The following MCTP1 variants were observed in gnomAD, a reference collection of about 807,000 sequenced individuals.
MCTP1 encodes the protein multiple C2 and transmembrane domain containing 1.
Under a neutral mutation model 120.6 loss-of-function variants are expected in MCTP1, and 69 were observed. The observed-to-expected ratio is 0.57, with a 90% CI of 0.47 to 0.70. The LOEUF (loss-of-function observed/expected upper bound fraction) is 0.70, where lower values mean the gene tolerates loss of function less well. Among genes scored for constraint, MCTP1 ranks in the 30% least tolerant of loss-of-function variants. The pLI is 0.00. For synonymous variants in MCTP1, 529 were observed against 493.1 expected (o/e 1.07, Z -0.96); for missense variants, 1,203 against 1,248.8 (o/e 0.96, Z 0.55).
chr5:95,112,223 C>G (rs181150517), intron 1 of MCTP1, among the ~76,000 whole-genome samples: 10 of 152,228 alleles, frequency 6.6e-5, no homozygotes, highest in African/African-American at 2.2e-4. Context: ...ATAACTAAAT[C>G]CTTTTGAGTG....
intron 6 of MCTP1, chr5:94,929,677 G>A: frequency 1.0e-6 from 1 of 985,176 alleles, no homozygotes; most frequent in Non-Finnish European, 1.2e-6. Context: ...GATTCAGGGA[G>A]CAGTTTCAAT....
intron 17 of MCTP1, among the ~76,000 whole-genome samples, chr5:94,856,797 G>C (rs190846870): frequency 6.6e-6 from 1 of 151,852 alleles, no homozygotes; most frequent in East Asian, 1.9e-4. Context: ...GTAAGAGCAA[G>C]AGAGAGACTA....
intron 18 of MCTP1, among the ~76,000 whole-genome samples, chr5:94,795,325 C>T (rs116562719): frequency 0.028 from 4,192 of 152,228 alleles, 65 homozygotes; most frequent in Non-Finnish European, 0.031. Flanking sequence ...CTAACACAAT[C>T]AGTTTCTCTC....
intron 17 of MCTP1, among the ~76,000 whole-genome samples, chr5:94,815,615 T>G (rs1159575237): frequency 6.6e-6 from 1 of 152,218 alleles, no homozygotes; most frequent in Non-Finnish European, 1.5e-5. Flanking sequence ...TGTCCAGAAG[T>G]GTTCACCACA....
At chr5:94,927,290 A>G (rs777612638) in intron 6 of MCTP1, among the ~76,000 whole-genome samples, 2 of 152,146 alleles carry the variant, frequency 1.3e-5, no homozygotes, top group Non-Finnish European at 2.9e-5. Flanking sequence ...GCTATTTACC[A>G]TTTGTTCATT....
intron 3 of MCTP1, among the ~76,000 whole-genome samples, chr5:94,951,229 T>C (rs1820484120): frequency 6.6e-6 from 1 of 152,228 alleles, no homozygotes; most frequent in Admixed American, 6.5e-5. Flanking sequence ...TTTTGTGTAC[T>C]TCAGTTTTTT....
At chr5:95,110,780 G>T (rs758106562) in intron 1 of MCTP1, among the ~76,000 whole-genome samples, 1 of 152,210 alleles carries the variant, frequency 6.6e-6, no homozygotes, top group Non-Finnish European at 1.5e-5. Context: ...AAATTCAGAA[G>T]TTCTTACGGC....
intron 17 of MCTP1, among the ~76,000 whole-genome samples, chr5:94,815,129 A>G (rs1291196936): frequency 1.3e-5 from 2 of 152,200 alleles, no homozygotes; most frequent in Non-Finnish European, 2.9e-5. Context: ...TTCTCAATAT[A>G]TTACATCAAG....
chr5:95,049,640 C>T (rs1745398386), intron 1 of MCTP1, among the ~76,000 whole-genome samples: 1 of 152,190 alleles, frequency 6.6e-6, no homozygotes, highest in Non-Finnish European at 1.5e-5. Context: ...AGAAATTATT[C>T]TCTCACTTAG....
intron 1 of MCTP1, among the ~76,000 whole-genome samples, chr5:95,175,836 C>T (rs1051518207): frequency 1.1e-4 from 17 of 152,184 alleles, no homozygotes; most frequent in Non-Finnish European, 2.9e-5. Context: ...CCAGTGAATT[C>T]AGTTCACTCC....
intron 1 of MCTP1, among the ~76,000 whole-genome samples, chr5:95,207,339 T>C (rs77929202): frequency 0.012 from 1,825 of 152,230 alleles, 39 homozygotes; most frequent in African/African-American, 0.04. Context: ...AACCTGCAAG[T>C]TGAAATATAT....
chr5:95,142,850 G>C (rs900641934), intron 1 of MCTP1, among the ~76,000 whole-genome samples: 1 of 152,100 alleles, frequency 6.6e-6, no homozygotes, highest in Non-Finnish European at 1.5e-5. Context: ...AAGAGTAAGG[G>C]TATGGGAGGA....
chr5:95,170,333 A>G (rs1225950032), intron 1 of MCTP1, among the ~76,000 whole-genome samples: 1 of 152,232 alleles, frequency 6.6e-6, no homozygotes, highest in Non-Finnish European at 1.5e-5. Context: ...ACTTCCAACT[A>G]TGTGGTCAAT....
intron 13 of MCTP1, among the ~76,000 whole-genome samples, chr5:94,872,493 T>G (rs1237941023): frequency 6.6e-6 from 1 of 152,048 alleles, no homozygotes; most frequent in Non-Finnish European, 1.5e-5. Context: ...TTAGAAAACT[T>G]TAAAGAAGTA....
chr5:95,273,086 C>T lies in MCTP1; in HGVS notation c.720+10770G>A, dbSNP rs569012534. Among the ~76,000 whole-genome samples the T allele has an allele frequency of 2.4e-4, 36 of 152,314 alleles. No individual in the cohort carries two copies. In the South Asian group the frequency reaches 7.1e-3, roughly 30 times the overall value. ...GATTTGGGGGTTTGGCCCCACAGGG[C>T]GCAGGAGGCAACTGTTCTGTGGTGA... is the stretch of plus-strand genomic sequence containing the variant. On this transcript the variant is annotated intron_variant, in intron 1 of 22. Transcript: ENST00000515393.
intron 1 of MCTP1, among the ~76,000 whole-genome samples, chr5:95,213,833 C>T (rs1164030747): frequency 6.6e-6 from 1 of 152,242 alleles, no homozygotes; most frequent in Non-Finnish European, 1.5e-5. Context: ...GAAACTGGAT[C>T]CCTTCCTTAC....
intron 1 of MCTP1, among the ~76,000 whole-genome samples, chr5:95,207,528 T>C (rs192192461): frequency 7.2e-4 from 110 of 152,230 alleles, no homozygotes; most frequent in African/African-American, 2.6e-3. Context: ...TTGGACAAAA[T>C]GAAGTGGGTC....
chr5:94,918,980 A>AC (rs934116019), intron 7 of MCTP1, among the ~76,000 whole-genome samples: 20 of 152,082 alleles, frequency 1.3e-4, no homozygotes, highest in African/African-American at 4.8e-4. Context: ...AATGATTTCC[A>AC]CCCCCAACCC....
rs114946527 is a variant in MCTP1 at position 95,085,514 on chromosome 5, T to C, written c.721-68030A>G. Among the ~76,000 whole-genome samples the C allele has an allele frequency of 7.9e-3, 1,199 of 152,092 alleles. 22 individuals are homozygous for C. Among genetic ancestry groups the C allele is most frequent in the African/African-American group, 0.028 (1,152 of 41,524 alleles). Reference sequence around the variant, plus strand: ...TGCAATTTATGTATCCACTCTCCTATTAATGGACATTTAAGTTGGTTCTAA... The same window carrying C: ...TGCAATTTATGTATCCACTCTCCTACTAATGGACATTTAAGTTGGTTCTAA... On this transcript the variant is annotated intron_variant, in intron 1 of 22. Coordinates refer to ENST00000515393, the MANE Select transcript of MCTP1 (RefSeq NM_024717.7).
Sources: gnomAD v4.1 joint callset for allele counts (sites outside exome capture counted in the v4.1 genomes callset) on GRCh38, gnomAD v4.1.1 for gene constraint, MANE v1.5 for transcripts, NCBI Gene and HGNC (gene_info 2026-07-23, HGNC 2026-07-21) for gene names.